The following ZNF529 variants were observed in gnomAD, a reference collection of about 807,000 sequenced individuals.
ZNF529 encodes the protein zinc finger protein 529.
In ZNF529, 11 loss-of-function variants were observed where a neutral mutation model predicts 10.1. The ratio of observed to expected loss-of-function variants is 1.09; its 90% CI spans 0.69 to 1.81. ZNF529 has a LOEUF of 1.81. ZNF529 is among the 40% of genes most tolerant of loss of function. The probability of loss-of-function intolerance (pLI) is 0.00; values close to 1 mark genes in which losing one functional copy is unlikely to be tolerated. For synonymous variants in ZNF529, 204 were observed against 215.7 expected, an observed-to-expected ratio of 0.95 and a Z score of 0.47; for missense variants, 624 against 666.8, an observed-to-expected ratio of 0.94 and a Z score of 0.71.
At chr19:36,593,772 A>G (rs572447944) in intron 1 of ZNF529, 8 of 152,306 alleles carry the variant, frequency 5.3e-5, no homozygotes, top group African/African-American at 1.7e-4. Flanking sequence ...AAGTAGAGAC[A>G]AACAGTTCAC....
chr19:36,570,596 T>C (rs185173324), intron 2 of ZNF529, among the ~76,000 whole-genome samples: 1 of 152,314 alleles, frequency 6.6e-6, no homozygotes, highest in Non-Finnish European at 1.5e-5. Flanking sequence ...TTTTAATGTG[T>C]ACCTTTTCAT....
Position 36,556,141 on chromosome 19 carries a change from A to G in ZNF529, c.71T>C (p.Phe24Ser). ...APHAVMPEVE[F>S]PDQFFTVLTM... ...TAGAACTGTAAAGAATTGGTCAGGG[A>G]ATTCCACTTCTGGCATGACAGCATG... The change falls in exon 3 of 5, where the codon TTC (phenylalanine) becomes TCC (serine). Residue 24 changes from phenylalanine to serine, a missense_variant. Physicochemically the swap from Phe to Ser is radical, Grantham distance 155. Coordinates refer to ENST00000591340, the MANE Select transcript of ZNF529 (RefSeq NM_020951.5). The G allele has an allele frequency of 6.5e-7, 1 of 1,543,236 alleles. No homozygotes were observed. The highest frequency in any genetic ancestry group is 8.8e-7 in the Non-Finnish European group (1 of 1,139,338).
At position 36,573,172 on chromosome 19, in the gene ZNF529, C is replaced by G. The variant is rs1057052130; in HGVS notation, c.-79G>C. On this transcript the variant is annotated 5_prime_UTR_variant, in exon 1 of 5. Coordinates refer to ENST00000591340, the MANE Select transcript of ZNF529 (RefSeq NM_020951.5). ...GTCCGCAGCTCCCGCGTACAGAGGC[C>G]TCAGGCTCCCGGCTCCACGTGGACC... 3.2e-6 allele frequency: 1 copy of G among 316,240 alleles called. No individual in the cohort carries two copies. Among genetic ancestry groups the G allele is most frequent in the Non-Finnish European group, 6.4e-6 (1 of 155,510 alleles). The allele number at this position is 316,240 out of a possible 1,614,324, so 19.6% of individuals were successfully genotyped here. A position where few individuals can be genotyped will look rare whatever the true frequency, so the allele number is the denominator to read the frequency against.
intron 2 of ZNF529, among the ~76,000 whole-genome samples, chr19:36,558,666 C>A (rs1351586586): frequency 6.6e-6 from 1 of 151,946 alleles, no homozygotes; most frequent in East Asian, 1.9e-4. Flanking sequence ...AAATATAAGG[C>A]CTGAAACTAT....
chr19:36,547,538 A>G lies in ZNF529; in HGVS notation c.1020T>C (p.Cys340=). Reference sequence around the variant, plus strand: ...TTCTAAAAACCTTCTCACAGTGCATACATTTGTAGGGTTTCTCACCAGTAT... The same window carrying G: ...TTCTAAAAACCTTCTCACAGTGCATGCATTTGTAGGGTTTCTCACCAGTAT... ...RIHTGEKPYK[C]MHCEKVFRIS... The change falls in exon 5 of 5, where the codon TGT becomes TGC. Residue 340 remains cysteine, a synonymous_variant. Transcript: ENST00000591340. 1 of 1,613,312 alleles carries G rather than the reference A, an allele frequency of 6.2e-7. No individual in the cohort carries two copies. Among genetic ancestry groups the G allele is most frequent in the South Asian group, 1.1e-5 (1 of 91,048 alleles).
chr19:36,600,642 G>C (rs1023406223), intron 1 of ZNF529, among the ~76,000 whole-genome samples: 27 of 152,178 alleles, frequency 1.8e-4, no homozygotes, highest in Middle Eastern at 3.4e-3. Context: ...ACATTTTTGG[G>C]TTGTATATAC....
intron 1 of ZNF529, among the ~76,000 whole-genome samples, chr19:36,602,898 C>T (rs891382294): frequency 6.7e-6 from 1 of 150,316 alleles, no homozygotes; most frequent in Non-Finnish European, 1.5e-5. Flanking sequence ...CCATTGCACT[C>T]CAGCCTGGGC....
chr19:36,580,729 A>C (rs1255603977), intron 2 of ZNF529: 2 of 152,246 alleles, frequency 1.3e-5, no homozygotes, highest in Non-Finnish European at 2.9e-5. Flanking sequence ...ACTTGTAGGC[A>C]AGAAATTCAG....
Position 36,592,684 on chromosome 19 carries a change from C to G in ZNF529, c.-127-2983G>C, listed in dbSNP as rs887919116. On this transcript the variant is annotated intron_variant, in intron 1 of 4. Transcript: ENST00000585960. The stretch of plus-strand genomic sequence containing the variant: ...AAGGTTACAAAATGAACCACTAATA[C>G]AAGATTTAACAAAAAAGAAAAAGAG... Among the ~76,000 whole-genome samples, 21 of 151,050 alleles carry G rather than the reference C, an allele frequency of 1.4e-4. No homozygotes were observed. The East Asian group carries it at 3.7e-3, about 27-fold the overall frequency.
At position 36,547,137 on chromosome 19, in the gene ZNF529, C is replaced by A. The variant is rs961938384; in HGVS notation, c.1421G>T (p.Gly474Val). Residue 474 changes from glycine (G) to valine (V), a missense_variant, in exon 5 of 5, where the codon GGT (glycine) becomes GTT (valine). Gly to Val is a moderately radical substitution (Grantham distance 109, BLOSUM62 -3). Coordinates refer to ENST00000591340, the MANE Select transcript of ZNF529 (RefSeq NM_020951.5). ...ALIQHQRIHS[G>V]EKPYECKVCG... ...TACCTTACATTCATAAGGTTTCTCA[C>A]CACTATGAATTCTTTGATGTTGAAT... 1 of 1,613,940 alleles carries A rather than the reference C, an allele frequency of 6.2e-7. No homozygotes were observed. Among genetic ancestry groups the A allele is most frequent in the Non-Finnish European group, 8.5e-7 (1 of 1,179,940 alleles).
At position 36,556,170 on chromosome 19, in the gene ZNF529, A is replaced by G; in HGVS notation, c.42T>C (p.Ala14=). Residue 14 remains alanine (A), a synonymous_variant, in exon 3 of 5, where the codon GCT becomes GCC. Transcript: ENST00000591340. The part of the protein sequence containing the change: ...SSFIGDHVHG[A]PHAVMPEVEF... ...CCACTTCTGGCATGACAGCATGAGG[A>G]GCTCCATGGACATGATCCCCAATGA... is the stretch of plus-strand genomic sequence containing the variant. The G allele has an allele frequency of 3.7e-6, 5 of 1,339,248 alleles. No homozygotes were observed. Among genetic ancestry groups the G allele is most frequent in the Non-Finnish European group, 4.2e-6 (4 of 953,258 alleles). 83.0% of individuals were successfully genotyped at this position (1,339,248 alleles called of 1,614,324 possible).
At chr19:36,603,174 A>C (rs2145299936) in intron 1 of ZNF529, among the ~76,000 whole-genome samples, 2 of 152,324 alleles carry the variant, frequency 1.3e-5, no homozygotes, top group South Asian at 4.1e-4. Context: ...AAGAAAATCT[A>C]AACTATCTAA....
At position 36,548,208 on chromosome 19, in the gene ZNF529, G is replaced by C; in HGVS notation, c.350C>G (p.Ser117Cys). 1 of 1,613,712 alleles carries C rather than the reference G, an allele frequency of 6.2e-7. No individual in the cohort carries two copies. ...GCTTTGCCAGTCATTTCTGAAAATG[G>C]AACCTTCAAGGCCACATAACTTGCT... ...ESSKLCGLEG[S>C]IFRNDWQSKS... Residue 117 changes from serine to cysteine, a missense_variant, in exon 5 of 5, where the codon TCC becomes TGC. By Grantham distance (112) the Ser-to-Cys change is moderately radical. Coordinates refer to ENST00000591340, the MANE Select transcript of ZNF529 (RefSeq NM_020951.5).
chr19:36,593,797 A>G (rs2036779564), intron 1 of ZNF529: 1 of 152,192 alleles, frequency 6.6e-6, no homozygotes, highest in Admixed American at 6.5e-5. Flanking sequence ...ACCATGGCTA[A>G]AAATGGTTAA....
At chr19:36,549,702 C>T (rs1224266115) in intron 4 of ZNF529, among the ~76,000 whole-genome samples, 2 of 152,166 alleles carry the variant, frequency 1.3e-5, no homozygotes, top group African/African-American at 4.8e-5. Context: ...TGAAGAAATA[C>T]AATCGGGATG....
chr19:36,587,898 G>C (rs905561336), intron 2 of ZNF529, among the ~76,000 whole-genome samples: 1 of 152,166 alleles, frequency 6.6e-6, no homozygotes, highest in Admixed American at 6.5e-5. Flanking sequence ...ATTTCTTTCG[G>C]AGATACATAC....
intron 2 of ZNF529, among the ~76,000 whole-genome samples, chr19:36,585,474 C>T (rs1225555304): frequency 1.3e-5 from 2 of 152,206 alleles, no homozygotes; most frequent in Admixed American, 1.3e-4. Context: ...GAACCTCATT[C>T]TCTTCTGATG....
At position 36,545,349 on chromosome 19, in the gene ZNF529, G is replaced by A. The variant is rs559116092; in HGVS notation, c.*1517C>T. ...TTGAGACCAGACTGACCAACACGGA[G>A]ATATCCCGTCTCTACTAAAAATATA... is the stretch of plus-strand genomic sequence containing the variant. On this transcript the variant is annotated 3_prime_UTR_variant, in exon 5 of 5. Coordinates refer to ENST00000591340, the MANE Select transcript of ZNF529 (RefSeq NM_020951.5). 6.6e-6 allele frequency: 1 copy of A among 152,178 alleles called. No homozygotes were observed. The highest frequency in any genetic ancestry group is 1.9e-4 in the East Asian group (1 of 5,166). The allele number at this position is 152,178 out of a possible 1,614,324, so 9.4% of individuals were successfully genotyped here.
At chr19:36,600,870 T>C (rs1179426179) in intron 1 of ZNF529, among the ~76,000 whole-genome samples, 5 of 152,234 alleles carry the variant, frequency 3.3e-5, no homozygotes, top group Non-Finnish European at 7.3e-5. Flanking sequence ...ATTCTCCTTT[T>C]GATTTGTTGT....
Sources: allele counts gnomAD v4.1 joint callset (sites outside exome capture counted in the v4.1 genomes callset), GRCh38; gene constraint gnomAD v4.1.1; transcripts MANE v1.5; gene names NCBI Gene and HGNC (gene_info 2026-07-23, HGNC 2026-07-21).